Variants in DPEP1 observed in about 807,000 individuals in gnomAD.
DPEP1 encodes the protein dipeptidase 1.
DPEP1 carries 50 observed loss-of-function variants against 42.3 expected under a neutral mutation model. The observed-to-expected ratio is 1.18, with a 90% CI of 0.94 to 1.50. The LOEUF (loss-of-function observed/expected upper bound fraction) is 1.50. Ranked by LOEUF, DPEP1 falls within the 40% of genes most tolerant of loss-of-function variation. The pLI is 0.00. For synonymous variants in DPEP1, 297 were observed against 234.0 expected (o/e 1.27, Z -2.46); for missense variants, 663 against 553.0 (o/e 1.20, Z -1.99).
At chr16:89,627,821 A>G (rs2059535575) in intron 1 of DPEP1, among the ~76,000 whole-genome samples, 1 of 148,528 alleles carries the variant, frequency 6.7e-6, no homozygotes, top group Non-Finnish European at 1.5e-5. Flanking sequence ...CACCATGCCC[A>G]GTAAATTTTT....
Position 89,637,914 on chromosome 16 carries a change from G to A in DPEP1, c.1008G>A (p.Ala336=), listed in dbSNP as rs201890852. 6.8e-5 allele frequency: 109 copies of A among 1,611,914 alleles called. No individual in the cohort carries two copies. Among genetic ancestry groups the A allele is most frequent in the Middle Eastern group, 1.7e-4 (1 of 6,058 alleles). The change falls in exon 10 of 11, where the codon GCG becomes GCA. Residue 336 remains alanine (A), a synonymous_variant. Coordinates refer to ENST00000690203, the MANE Select transcript of DPEP1 (RefSeq NM_001389466.1). ...TGCTCAGGAGGAACTGGACGGAGGC[G>A]GAGGTCAAGGGCGCACTGGCTGACA... ...AELLRRNWTE[A]EVKGALADNL...
intron 1 of DPEP1, among the ~76,000 whole-genome samples, chr16:89,616,210 G>T (rs1343579820): frequency 6.6e-6 from 1 of 152,182 alleles, no homozygotes; most frequent in African/African-American, 2.4e-5. Flanking sequence ...TGTGGGGATA[G>T]GGCTCAGAGC....
rs1214851999 is a variant in DPEP1 at position 89,637,770 on chromosome 16, T to A, written c.929+63T>A. 4 of 1,612,586 alleles carry A rather than the reference T, an allele frequency of 2.5e-6. No homozygotes were observed. In the Admixed American group the frequency reaches 6.7e-5, roughly 27 times the overall value. On this transcript the variant is annotated intron_variant, in intron 9 of 10. Coordinates refer to ENST00000690203, the MANE Select transcript of DPEP1 (RefSeq NM_001389466.1). ...GAGGTTCATGGCCTCGTCAGAGGGA[T>A]GAGGTGGCTGGAGGAGGGACCTGTG...
chr16:89,626,290 C>A (rs1393476925), intron 1 of DPEP1, among the ~76,000 whole-genome samples: 1 of 152,154 alleles, frequency 6.6e-6, no homozygotes, highest in African/African-American at 2.4e-5. Flanking sequence ...GCCATTCACC[C>A]CATGTTCTCG....
intron 1 of DPEP1, among the ~76,000 whole-genome samples, chr16:89,622,847 C>G (rs1038418977): frequency 7.3e-5 from 11 of 151,118 alleles, no homozygotes; most frequent in Non-Finnish European, 1.5e-4. Flanking sequence ...AGATTCCGAC[C>G]CATTTCTGGG....
At chr16:89,621,312 G>A (rs955441148) in intron 1 of DPEP1, among the ~76,000 whole-genome samples, 7 of 152,042 alleles carry the variant, frequency 4.6e-5, no homozygotes, top group South Asian at 2.1e-4. Context: ...GCCTGGGCAG[G>A]GTGAGGAGGG....
At chr16:89,631,502 G>A (rs2059588292) in intron 2 of DPEP1, among the ~76,000 whole-genome samples, 1 of 152,196 alleles carries the variant, frequency 6.6e-6, no homozygotes, top group South Asian at 2.1e-4. Context: ...ATGCCTCTGG[G>A]CTTTGTTGGG....
chr16:89,618,002 C>A lies in DPEP1; in HGVS notation c.-107+4283C>A, dbSNP rs537946566. Among the ~76,000 whole-genome samples the A allele has an allele frequency of 9.2e-4, 139 of 151,808 alleles. 2 individuals carry two copies. Among genetic ancestry groups the A allele is most frequent in the Admixed American group, 3.0e-3 (45 of 15,252 alleles). On this transcript the variant is annotated intron_variant, in intron 1 of 10. Coordinates refer to ENST00000690203, the MANE Select transcript of DPEP1 (RefSeq NM_001389466.1). ...TTGTGCCCCTGCACTCCATCCTGGG[C>A]GACAGAGCGAGACTCAGTCTCAAAA...
In DPEP1 at chr16:89,627,655, T is replaced by C. The variant is rs1160319990; in HGVS notation, c.-106-2650T>C. ...ACCCAGTCTTGGATATTTCTTCTTT[T>C]TTTTTTTTTTTTTTTTTTTTTTTGA... is the stretch of plus-strand genomic sequence containing the variant. On this transcript the variant is annotated intron_variant, in intron 1 of 10. Coordinates refer to ENST00000690203, the MANE Select transcript of DPEP1 (RefSeq NM_001389466.1). 1.2e-3 allele frequency among the ~76,000 whole-genome samples: 150 copies of C among 122,178 alleles called. 1 individual carries two copies. The highest frequency in any genetic ancestry group is 4.1e-3 in the African/African-American group (134 of 32,426). 80.2% of individuals were successfully genotyped at this position (122,178 alleles called of 152,430 possible).
chr16:89,634,144 A>G (rs931361446), intron 2 of DPEP1, among the ~76,000 whole-genome samples: 9 of 134,140 alleles, frequency 6.7e-5, no homozygotes, highest in Non-Finnish European at 1.4e-4. Context: ...GCTGGAGTGC[A>G]GTGGTGCGAT....
Position 89,637,323 on chromosome 16 carries a change from G to A in DPEP1, c.711G>A (p.Ser237=), listed in dbSNP as rs368990682. ...CCCCGGTCATCTTCAGCCACTCCTC[G>A]GCCTACAGCGTGTGCGCAAGCCGGC... The part of the protein sequence containing the change: ...SRAPVIFSHS[S]AYSVCASRRN... Residue 237 remains serine, a synonymous_variant, in exon 7 of 11, where the codon TCG becomes TCA. Transcript: ENST00000690203. 30 of 1,612,410 alleles carry A rather than the reference G, an allele frequency of 1.9e-5. No individual in the cohort carries two copies. Among genetic ancestry groups the A allele is most frequent in the Admixed American group, 8.3e-5 (5 of 59,992 alleles).
At chr16:89,624,050 C>G (rs114757283) in intron 1 of DPEP1, among the ~76,000 whole-genome samples, 1 of 152,090 alleles carries the variant, frequency 6.6e-6, no homozygotes, top group Admixed American at 6.6e-5. Flanking sequence ...AAAGGTTTCC[C>G]GCCCAAAGTG....
chr16:89,635,346 C>T (rs932713844), intron 2 of DPEP1, among the ~76,000 whole-genome samples: 1 of 152,274 alleles, frequency 6.6e-6, no homozygotes, highest in East Asian at 1.9e-4. Flanking sequence ...GTGCAGGGCT[C>T]TTCCCTGGGG....
intron 1 of DPEP1, among the ~76,000 whole-genome samples, chr16:89,628,446 C>T (rs746774784): frequency 2.0e-5 from 3 of 149,674 alleles, no homozygotes; most frequent in Non-Finnish European, 3.0e-5. Flanking sequence ...TTAGTAGAGA[C>T]GGGGTTTCAC....
rs777747615 is a variant in DPEP1 at position 89,637,602 on chromosome 16, CG to C, written c.854-27del. 3 of 1,612,774 alleles carry C rather than the reference CG, an allele frequency of 1.9e-6. No individual in the cohort carries two copies. In the South Asian group the frequency reaches 3.3e-5, roughly 18 times the overall value. On this transcript the variant is annotated intron_variant, in intron 8 of 10. Transcript: ENST00000690203. ...GGGGCCGAAGGGGGAGGGCCTCACT[CG>C]GGACCCATACCTGCTGCTCCCTGGA...
rs463938 is a variant in DPEP1 at position 89,635,796 on chromosome 16, G to C, written c.105-112G>C. The C allele has an allele frequency of 2.9e-6, 4 of 1,395,476 alleles. No individual in the cohort carries two copies. In the African/African-American group the frequency reaches 5.8e-5, roughly 20 times the overall value. 86.4% of individuals were successfully genotyped at this position (1,395,476 alleles called of 1,614,324 possible). A position where few individuals can be genotyped will look rare whatever the true frequency, so the allele number is the denominator to read the frequency against. ...CCCGCGGCCTAGACTTCAGTCCTGC[G>C]TCTGTCGTGAGGAGTAGGAAGTGGG... On this transcript the variant is annotated intron_variant, in intron 2 of 10. Coordinates refer to ENST00000690203, the MANE Select transcript of DPEP1 (RefSeq NM_001389466.1).
intron 2 of DPEP1, among the ~76,000 whole-genome samples, chr16:89,633,889 C>G (rs1399084926): frequency 6.6e-6 from 1 of 152,124 alleles, no homozygotes. Flanking sequence ...GGGGCACAGC[C>G]CACATTACAG....
chr16:89,621,064 C>T lies in DPEP1; in HGVS notation c.-107+7345C>T, dbSNP rs114866404. ...GGGTGAGGCTCTCAGAGGATGGAAC[C>T]GGCGGGGGCCTCAGCTCCAGGCAGG... On this transcript the variant is annotated intron_variant, in intron 1 of 10. Transcript: ENST00000690203. Among the ~76,000 whole-genome samples, 1,235 of 151,936 alleles carry T rather than the reference C, an allele frequency of 8.1e-3. 18 individuals carry two copies. The highest frequency in any genetic ancestry group is 0.028 in the African/African-American group (1,169 of 41,418).
In DPEP1 at chr16:89,638,101, A is replaced by C; in HGVS notation, c.1115A>C (p.Gln372Pro). ...APEEEPIPLD[Q>P]LGGSCRTHYG... ...GAGGAGGAGCCCATCCCGCTGGACCAGCTGGGTGGCTCCTGCAGGACCCAT... is the reference window on the plus strand; with the variant it reads ...GAGGAGGAGCCCATCCCGCTGGACCCGCTGGGTGGCTCCTGCAGGACCCAT... Residue 372 changes from glutamine (Q) to proline (P), a missense_variant, in exon 11 of 11, where the codon CAG (glutamine) becomes CCG (proline). Coordinates refer to ENST00000690203, the MANE Select transcript of DPEP1 (RefSeq NM_001389466.1). 6.2e-7 allele frequency: 1 copy of C among 1,612,404 alleles called. No homozygotes were observed. Among genetic ancestry groups the C allele is most frequent in the Non-Finnish European group, 8.5e-7 (1 of 1,179,840 alleles).
Sources: allele counts gnomAD v4.1 joint callset (sites outside exome capture counted in the v4.1 genomes callset), GRCh38; gene constraint gnomAD v4.1.1; transcripts MANE v1.5; gene names NCBI Gene and HGNC (gene_info 2026-07-23, HGNC 2026-07-21).